Variants in ITGB5 observed in about 807,000 individuals in gnomAD.
ITGB5 encodes the protein integrin beta-5.
Under a neutral mutation model 84.8 loss-of-function variants are expected in ITGB5, and 38 were observed. The observed-to-expected ratio is 0.45, with a 90% CI of 0.35 to 0.59. ITGB5 has a LOEUF of 0.59. Ranked by LOEUF, ITGB5 falls within the 20% of genes least tolerant of loss-of-function variation. The probability of loss-of-function intolerance (pLI) is 0.01; values close to 1 mark genes in which losing one functional copy is unlikely to be tolerated. For missense variants in ITGB5, 905 were observed against 1,034.5 expected (o/e 0.87, Z 1.72); for synonymous variants, 393 against 414.4 (o/e 0.95, Z 0.63).
rs745835566 is a variant in ITGB5 at position 124,819,823 on chromosome 3, G to A, written c.954C>T (p.Ser318=). 10 of 1,613,506 alleles carry A rather than the reference G, an allele frequency of 6.2e-6. No homozygotes were observed. Among genetic ancestry groups the A allele is most frequent in the East Asian group, 4.5e-5 (2 of 44,888 alleles). ...YTASNQMDYP[S]LALLGEKLAE... is the part of the protein sequence containing the mutation. ...CCAATTTCTCTCCAAGCAAGGCAAG[G>A]GATGGATAGTCCTAGGGCCAAGGCA... is the stretch of plus-strand genomic sequence containing the variant. Residue 318 remains serine, a synonymous_variant, in exon 7 of 15, where the codon TCC becomes TCT. Coordinates refer to ENST00000296181, the MANE Select transcript of ITGB5 (RefSeq NM_002213.5).
chr3:124,796,402 C>A lies in ITGB5; in HGVS notation c.1679G>T (p.Gly560Val). The A allele has an allele frequency of 6.2e-7, 1 of 1,611,468 alleles. No homozygotes were observed. Among genetic ancestry groups the A allele is most frequent in the Non-Finnish European group, 8.5e-7 (1 of 1,178,456 alleles). ...GGGACACTTACCTGAGCAGAGGACT[C>A]CCTTGTTCCTGGCACAGGAGAAGTT... is the stretch of plus-strand genomic sequence containing the variant. Reference protein sequence around the residue: ...CDNFSCARNKGVLCSGHGECH... With the variant: ...CDNFSCARNKVVLCSGHGECH... The change falls in exon 10 of 15, where the codon GGA becomes GTA. Residue 560 changes from glycine to valine, a missense_variant. By Grantham distance (109) the Gly-to-Val change is moderately radical. Around this residue, in one of 3 missense-constraint regions of ITGB5, gnomAD observed 656 missense variants for 734.7 expected, o/e 0.89. Coordinates refer to ENST00000296181, the MANE Select transcript of ITGB5 (RefSeq NM_002213.5).
rs144968605 is a variant in ITGB5 at position 124,882,947 on chromosome 3, C to A, written c.70+3984G>T. Among the ~76,000 whole-genome samples, 761 of 152,284 alleles carry A rather than the reference C, an allele frequency of 5.0e-3. 9 individuals carry two copies. The highest frequency in any genetic ancestry group is 0.017 in the African/African-American group (724 of 41,548). On this transcript the variant is annotated intron_variant, in intron 1 of 14. Coordinates refer to ENST00000296181, the MANE Select transcript of ITGB5 (RefSeq NM_002213.5). ...TGCATTCAACGGAAGCAAGAAGCCT[C>A]AGAAACAAATGGGTGCCTCTAAATA... is the stretch of plus-strand genomic sequence containing the variant.
chr3:124,882,817 G>A (rs1559986693), intron 1 of ITGB5, among the ~76,000 whole-genome samples: 1 of 152,152 alleles, frequency 6.6e-6, no homozygotes. Context: ...ATCCTATAAA[G>A]AGAGGGCAGG....
chr3:124,889,086 G>A (rs1559990741), upstream of ITGB5, among the ~76,000 whole-genome samples: 4 of 152,184 alleles, frequency 2.6e-5, no homozygotes, highest in Non-Finnish European at 2.9e-5. Flanking sequence ...CCCATTTTAT[G>A]CCTAATTAAG....
intron 1 of ITGB5, among the ~76,000 whole-genome samples, chr3:124,875,214 G>A (rs12491559): frequency 0.13 from 19,411 of 152,072 alleles, 1,357 homozygotes; most frequent in Admixed American, 0.18. Context: ...ACCGTGGCTC[G>A]CACCTGTAAT....
At chr3:124,830,295 A>C (rs2064842499) in intron 5 of ITGB5, among the ~76,000 whole-genome samples, 1 of 152,156 alleles carries the variant, frequency 6.6e-6, no homozygotes, top group Non-Finnish European at 1.5e-5. Flanking sequence ...TCTCGGTCCC[A>C]CCTGACTTTC....
intron 8 of ITGB5, among the ~76,000 whole-genome samples, chr3:124,811,359 A>G (rs2064498593): frequency 6.6e-6 from 1 of 152,224 alleles, no homozygotes; most frequent in Non-Finnish European, 1.5e-5. Context: ...GTAGATGAAA[A>G]TATTTCTTAA....
intron 5 of ITGB5, among the ~76,000 whole-genome samples, chr3:124,840,070 G>A (rs1286212135): frequency 6.6e-6 from 1 of 152,216 alleles, no homozygotes; most frequent in Non-Finnish European, 1.5e-5. Flanking sequence ...AAGGACAACT[G>A]GGGTTTTCTT....
chr3:124,772,936 C>T (rs1248181579), intron 11 of ITGB5, among the ~76,000 whole-genome samples: 37 of 120,736 alleles, frequency 3.1e-4, no homozygotes, highest in African/African-American at 1.0e-3. Flanking sequence ...TTTTTTGAGA[C>T]GGAGTCTCAC....
chr3:124,771,943 G>C (rs2150932334), intron 11 of ITGB5, among the ~76,000 whole-genome samples: 1 of 152,204 alleles, frequency 6.6e-6, no homozygotes, highest in East Asian at 1.9e-4. Context: ...ATTGCCTGCT[G>C]CTCCATAGGA....
chr3:124,802,912 GACA>G (rs1190052391), intron 9 of ITGB5, among the ~76,000 whole-genome samples: 2 of 151,200 alleles, frequency 1.3e-5, no homozygotes, highest in African/African-American at 2.4e-5. Context: ...CGGACAGCAA[GACA>G]ACAACACTGG....
rs375099484 is a variant in ITGB5, at chr3:124,773,710, C to T, written c.1896G>A (p.Pro632=). The T allele has an allele frequency of 6.2e-5, 100 of 1,612,114 alleles. 1 individual carries two copies. Among genetic ancestry groups the T allele is most frequent in the African/African-American group, 1.1e-4 (8 of 74,860 alleles). ...GEMCEKCPTC[P]DACSTKRDCV... ...AGTACCTCTTGGTGCTGCATGCATCCGGGCAGGTGGGGCACTTCTCACACA... is the reference window on the plus strand; with the variant it reads ...AGTACCTCTTGGTGCTGCATGCATCTGGGCAGGTGGGGCACTTCTCACACA... Residue 632 remains proline (P), a synonymous_variant, in exon 11 of 15, where the codon CCG becomes CCA. Transcript: ENST00000296181.
rs1245354132 is a variant in ITGB5, at chr3:124,762,890, A to G, written c.*733T>C. ...CCCTGAGGAAGTACACGGCCGCTTCAATCCCCACTGGGGGCACCATTTTAA... is the reference window on the plus strand; with the variant it reads ...CCCTGAGGAAGTACACGGCCGCTTCGATCCCCACTGGGGGCACCATTTTAA... On this transcript the variant is annotated 3_prime_UTR_variant, in exon 15 of 15. Coordinates refer to ENST00000296181, the MANE Select transcript of ITGB5 (RefSeq NM_002213.5). 6.6e-6 allele frequency: 1 copy of G among 152,282 alleles called. No homozygotes were observed. Among genetic ancestry groups the G allele is most frequent in the African/African-American group, 2.4e-5 (1 of 41,466 alleles). The allele number at this position is 152,282 out of a possible 1,614,324, so 9.4% of individuals were successfully genotyped here.
At chr3:124,875,464 A>G (rs201210746) in intron 1 of ITGB5, among the ~76,000 whole-genome samples, 1 of 143,872 alleles carries the variant, frequency 7.0e-6, no homozygotes, top group African/African-American at 2.6e-5. Context: ...GTGACAGAGC[A>G]AGACTCTGTC....
intron 5 of ITGB5, among the ~76,000 whole-genome samples, chr3:124,824,638 G>A (rs966179780): frequency 1.3e-5 from 2 of 152,158 alleles, no homozygotes; most frequent in Admixed American, 6.5e-5. Flanking sequence ...ATTAAAATCT[G>A]ATAAAGGATT....
chr3:124,777,573 G>A (rs1037313955), intron 10 of ITGB5, among the ~76,000 whole-genome samples: 11 of 152,152 alleles, frequency 7.2e-5, no homozygotes, highest in Admixed American at 3.9e-4. Context: ...GACAGCAGAC[G>A]CTGCACATCT....
At position 124,762,145 on chromosome 3, in the gene ITGB5, G is replaced by A. The variant is rs1312736043; in HGVS notation, c.*1478C>T. The A allele has an allele frequency of 6.6e-6, 1 of 152,208 alleles. No homozygotes were observed. Among genetic ancestry groups the A allele is most frequent in the Non-Finnish European group, 1.5e-5 (1 of 68,036 alleles). 9.4% of individuals were successfully genotyped at this position (152,208 alleles called of 1,614,324 possible). ...CTGTTCGTATTTGCCCCAGGTAATA[G>A]GTTCTATGTAGTGACAGGCATTTCA... On this transcript the variant is annotated 3_prime_UTR_variant, in exon 15 of 15. Coordinates refer to ENST00000296181, the MANE Select transcript of ITGB5 (RefSeq NM_002213.5).
intron 10 of ITGB5, chr3:124,781,253 C>CT (rs2064001057): frequency 1.3e-5 from 2 of 152,176 alleles, no homozygotes; most frequent in Non-Finnish European, 2.9e-5. Flanking sequence ...ACTGCGGCCT[C>CT]TGTCTGGGGC....
intron 13 of ITGB5, 58 bp from the exon 14 acceptor site, chr3:124,764,615 G>A (rs542197707): frequency 4.5e-5 from 68 of 1,514,626 alleles, no homozygotes; most frequent in South Asian, 1.6e-4. Context: ...CCCCTCTCAC[G>A]CAACTGCAGG....
Sources: gnomAD v4.1 joint callset for allele counts (sites outside exome capture counted in the v4.1 genomes callset) on GRCh38, gnomAD v4.1.1 for gene constraint, gnomAD v4.1.1 regional missense constraint, MANE v1.5 for transcripts, NCBI Gene and HGNC (gene_info 2026-07-23, HGNC 2026-07-21) for gene names.